FBN2: variants seen among roughly 807,000 people sequenced by gnomAD.
The protein encoded by FBN2 is fibrillin-2.
In FBN2, 105 loss-of-function variants were observed where a neutral mutation model predicts 355.6. The observed-to-expected ratio is 0.30, with a 90% CI of 0.25 to 0.35. The LOEUF is 0.35. FBN2 is among the 10% of genes least tolerant of loss of function. FBN2 has a pLI of 1.00. For synonymous variants in FBN2, 1,350 were observed against 1,301.2 expected, an observed-to-expected ratio of 1.04 and a Z score of -0.81; for missense variants, 3,280 against 3,758.7, an observed-to-expected ratio of 0.87 and a Z score of 3.33.
At chr5:128,443,372 A>T (rs1561459578) in intron 7 of FBN2, among the ~76,000 whole-genome samples, 1 of 152,218 alleles carries the variant, frequency 6.6e-6, no homozygotes, top group South Asian at 2.1e-4. Flanking sequence ...CTTCAGCCCA[A>T]GTCAAATAAA....
At chr5:128,458,902 A>G (rs1754480905) in intron 6 of FBN2, among the ~76,000 whole-genome samples, 2 of 152,150 alleles carry the variant, frequency 1.3e-5, no homozygotes, top group South Asian at 4.2e-4. Flanking sequence ...GAGAGGCAAG[A>G]GCAAACTAAT....
chr5:128,364,497 C>G, intron 18 of FBN2, 103 bp downstream of exon 18: 1 of 1,228,002 alleles, frequency 8.1e-7, no homozygotes, highest in Non-Finnish European at 1.2e-6. Flanking sequence ...ACAAGAAAAA[C>G]TGTACAATTT....
intron 15 of FBN2, among the ~76,000 whole-genome samples, chr5:128,373,954 T>C (rs1752014197): frequency 6.6e-6 from 1 of 152,156 alleles, no homozygotes; most frequent in South Asian, 2.1e-4. Context: ...TTGATGCAAG[T>C]CCAATATTTA....
At chr5:128,415,323 T>C (rs916776290) in intron 7 of FBN2, among the ~76,000 whole-genome samples, 1 of 152,214 alleles carries the variant, frequency 6.6e-6, no homozygotes, top group Non-Finnish European at 1.5e-5. Flanking sequence ...AACTGTATGT[T>C]TGTACACATT....
At chr5:128,270,085 G>A (rs1765230366) in intron 62 of FBN2, among the ~76,000 whole-genome samples, 1 of 152,138 alleles carries the variant, frequency 6.6e-6, no homozygotes, top group African/African-American at 2.4e-5. Flanking sequence ...ACAAAAACAA[G>A]CAATGGGGAA....
chr5:128,297,303 T>C (rs1272142589), intron 48 of FBN2, among the ~76,000 whole-genome samples: 1 of 152,110 alleles, frequency 6.6e-6, no homozygotes, highest in African/African-American at 2.4e-5. Context: ...CTGAAAAAAA[T>C]GTGTATTCTG....
At chr5:128,461,362 C>T (rs568506766) in intron 6 of FBN2, among the ~76,000 whole-genome samples, 133 of 152,036 alleles carry the variant, frequency 8.7e-4, no homozygotes, top group African/African-American at 2.9e-3. Flanking sequence ...GAGATGCTGG[C>T]GAGGCTGTGG....
chr5:128,372,152 G>A (rs912231208), intron 15 of FBN2, among the ~76,000 whole-genome samples: 12 of 152,154 alleles, frequency 7.9e-5, no homozygotes, highest in African/African-American at 2.7e-4. Context: ...GAGAGGTCCT[G>A]TATCTTGCTG....
rs750463932 is a variant in FBN2 at position 128,301,517 on chromosome 5, G to A, written c.5918-7C>T. On this transcript the variant is annotated splice_polypyrimidine_tract_variant and splice_region_variant and intron_variant, in intron 46 of 64. Transcript: ENST00000262464. The stretch of plus-strand genomic sequence containing the variant: ...GAACTGCACTCATCTATGTCTGTAA[G>A]CAAACAGGAGTATGTTTTTCAGAAA... 6.2e-7 allele frequency: 1 copy of A among 1,612,416 alleles called. No individual in the cohort carries two copies. The highest frequency in any genetic ancestry group is 8.5e-7 in the Non-Finnish European group (1 of 1,179,436).
intron 5 of FBN2, among the ~76,000 whole-genome samples, chr5:128,504,159 T>C (rs570036174): frequency 6.6e-6 from 1 of 152,102 alleles, no homozygotes; most frequent in African/African-American, 2.4e-5. Flanking sequence ...ACCTAGATTT[T>C]AGAGGATGTA....
chr5:128,387,970 G>C (rs1752411379), intron 11 of FBN2, among the ~76,000 whole-genome samples: 1 of 152,084 alleles, frequency 6.6e-6, no homozygotes, highest in African/African-American at 2.4e-5. Flanking sequence ...TTATTGTGTT[G>C]TTATCTACAA....
At chr5:128,458,185 C>T (rs1754454073) in intron 6 of FBN2, among the ~76,000 whole-genome samples, 1 of 151,936 alleles carries the variant, frequency 6.6e-6, no homozygotes, top group Admixed American at 6.6e-5. Flanking sequence ...TCTGACAAAA[C>T]AGATTTTAAA....
At position 128,333,014 on chromosome 5, in the gene FBN2, C is replaced by T; in HGVS notation, c.4120G>A (p.Gly1374Ser). Residue 1374 changes from glycine to serine, a missense_variant, in exon 32 of 65, where the codon GGT (glycine) becomes AGT (serine). By Grantham distance (56) the Gly-to-Ser change is moderately conservative. This residue lies in a region of FBN2 where 2,284 missense variants were observed against 2,749.5 expected (regional missense o/e 0.83). Coordinates refer to ENST00000262464, the MANE Select transcript of FBN2 (RefSeq NM_001999.4). ...GCTDVDECEI[G>S]AHNCDMHASC... ...GCATGCATGTCGCAGTTATGAGCACCAATTTCACACTCATCCACATCTGAT... is the reference window on the plus strand; with the variant it reads ...GCATGCATGTCGCAGTTATGAGCACTAATTTCACACTCATCCACATCTGAT... The T allele has an allele frequency of 6.2e-7, 1 of 1,612,376 alleles. No homozygotes were observed. The highest frequency in any genetic ancestry group is 8.5e-7 in the Non-Finnish European group (1 of 1,178,524).
intron 5 of FBN2, among the ~76,000 whole-genome samples, chr5:128,493,224 A>G (rs1287710594): frequency 6.6e-6 from 1 of 152,124 alleles, no homozygotes; most frequent in Non-Finnish European, 1.5e-5. Flanking sequence ...TACAACCATG[A>G]TGCACTCCAG....
chr5:128,327,606 A>G (rs1750588865), intron 34 of FBN2, among the ~76,000 whole-genome samples: 1 of 150,646 alleles, frequency 6.6e-6, no homozygotes, highest in African/African-American at 2.4e-5. Context: ...CATGACTGGA[A>G]AACTGAGTTC....
rs1417380003 is a variant in FBN2, at chr5:128,259,343, A to G, written c.*112T>C. ...ATTCAAAGTCTAAGACAGGGAGGAA[A>G]GAAACAAGAGTTATTATTATTTTTC... On this transcript the variant is annotated 3_prime_UTR_variant, in exon 65 of 65. Coordinates refer to ENST00000262464, the MANE Select transcript of FBN2 (RefSeq NM_001999.4). The G allele has an allele frequency of 3.0e-6, 4 of 1,343,828 alleles. No individual in the cohort carries two copies. The highest frequency in any genetic ancestry group is 4.3e-6 in the Non-Finnish European group (4 of 937,890). 83.2% of individuals were successfully genotyped at this position (1,343,828 alleles called of 1,614,324 possible). A position where few individuals can be genotyped will look rare whatever the true frequency, so the allele number is the denominator to read the frequency against.
chr5:128,335,116 T>A, intron 30 of FBN2, 54 bp downstream of exon 30: 1 of 1,610,152 alleles, frequency 6.2e-7, no homozygotes, highest in Non-Finnish European at 8.5e-7. Context: ...TGTGTGCATG[T>A]GGGTGTGTGT....
intron 7 of FBN2, among the ~76,000 whole-genome samples, chr5:128,423,311 G>T (rs897262385): frequency 6.6e-6 from 1 of 152,140 alleles, no homozygotes; most frequent in Non-Finnish European, 1.5e-5. Context: ...AAGAAAAGAG[G>T]TTTAGTGAAC....
At position 128,278,124 on chromosome 5, in the gene FBN2, T is replaced by C. The variant is rs1161982426; in HGVS notation, c.7346-119A>G. 7.1e-6 allele frequency: 7 copies of C among 985,632 alleles called. No homozygotes were observed. In the East Asian group the frequency reaches 1.0e-4, roughly 14 times the overall value. The allele number at this position is 985,632 out of a possible 1,614,324, so 61.1% of individuals were successfully genotyped here. A position where few individuals can be genotyped will look rare whatever the true frequency, so the allele number is the denominator to read the frequency against. On this transcript the variant is annotated intron_variant, in intron 57 of 64. Transcript: ENST00000262464. ...CATAACTAACTGCAAACATTCCTAA[T>C]AGCACTGGAGCACCTGTTCATCATT... is the stretch of plus-strand genomic sequence containing the variant.
Sources: allele counts gnomAD v4.1 joint callset (sites outside exome capture counted in the v4.1 genomes callset), GRCh38; gene constraint gnomAD v4.1.1; regional missense constraint gnomAD v4.1.1; transcripts MANE v1.5; gene names NCBI Gene and HGNC (gene_info 2026-07-23, HGNC 2026-07-21).